MPND: variants seen among roughly 807,000 people sequenced by gnomAD.
MPND encodes the protein MPN domain-containing protein.
A neutral mutation model predicts 59.2 loss-of-function variants in MPND; 56 were observed. The observed-to-expected ratio is 0.95, with a 90% CI of 0.76 to 1.18. The LOEUF is 1.18. Ranked by LOEUF, MPND falls within the 50% of genes most tolerant of loss-of-function variation. MPND has a pLI of 0.00. For missense variants in MPND, 671 were observed against 676.0 expected (o/e 0.99, Z 0.08); for synonymous variants, 323 against 291.9 (o/e 1.11, Z -1.09).
intron 11 of MPND, chr19:4,358,431 C>T (rs1972494366): frequency 6.0e-6 from 3 of 496,484 alleles, no homozygotes; most frequent in Non-Finnish European, 1.1e-5. Flanking sequence ...GTAGAGAAAC[C>T]CCAGGGACTT....
At chr19:4,356,635 TC>T (rs1972443891) in intron 8 of MPND, 2 of 131,892 alleles carry the variant, frequency 1.5e-5, no homozygotes, top group African/African-American at 5.7e-5. Flanking sequence ...CAGTTGCTAT[TC>T]TTTTTTTTTT....
intron 3 of MPND, among the ~76,000 whole-genome samples, chr19:4,350,482 G>T (rs567842721): frequency 6.6e-6 from 1 of 152,304 alleles, no homozygotes; most frequent in South Asian, 2.1e-4. Context: ...AGGGACCAGG[G>T]CAGAGGTGAG....
chr19:4,350,281 G>A (rs1972286973), intron 3 of MPND, among the ~76,000 whole-genome samples: 1 of 152,134 alleles, frequency 6.6e-6, no homozygotes, highest in South Asian at 2.1e-4. Context: ...AGGTGGGGAG[G>A]ATGGGAAGGG....
At chr19:4,346,014 C>T in intron 3 of MPND, 33 bp downstream of exon 3, 2 of 1,576,456 alleles carry the variant, frequency 1.3e-6, no homozygotes, top group Non-Finnish European at 1.7e-6. Flanking sequence ...GGAAGCCGCC[C>T]AGGTCACTGT....
chr19:4,354,517 G>A lies in MPND; in HGVS notation c.846+97G>A, dbSNP rs75511514. 6.1e-3 allele frequency: 5,988 copies of A among 986,286 alleles called. 246 individuals carry two copies. In the African/African-American group the frequency reaches 0.086, roughly 14 times the overall value. The allele number at this position is 986,286 out of a possible 1,614,324, so 61.1% of individuals were successfully genotyped here. On this transcript the variant is annotated intron_variant, in intron 6 of 12. Coordinates refer to ENST00000599840, the MANE Select transcript of MPND (RefSeq NM_001300862.2). ...TGCGTATCAGCTCCATGAGAGCTGG[G>A]GCCTTGTCTGCTTTGTTTGCTACTG...
intron 3 of MPND, chr19:4,348,149 C>G (rs746039807): frequency 1.3e-5 from 2 of 152,216 alleles, no homozygotes; most frequent in Non-Finnish European, 2.9e-5. Flanking sequence ...GCCTCCGCCT[C>G]CCAAAATGCT....
chr19:4,355,638 T>C (rs1972422326), intron 8 of MPND, among the ~76,000 whole-genome samples: 1 of 149,538 alleles, frequency 6.7e-6, no homozygotes, highest in Non-Finnish European at 1.5e-5. Flanking sequence ...CCCAGCTAAT[T>C]TTTTGTATTT....
At position 4,354,963 on chromosome 19, in the gene MPND, C is replaced by T. The variant is rs1348848342; in HGVS notation, c.861C>T (p.His287=). ...NVLFLLDFHS[H]LTRSEVVGYL... The stretch of plus-strand genomic sequence containing the variant: ...CCCTTCCCCAGGACTTCCACAGTCA[C>T]CTGACACGGAGTGAGGTCGTGGGTT... The change falls in exon 7 of 13, where the codon CAC becomes CAT. Residue 287 remains histidine (H), a synonymous_variant. Coordinates refer to ENST00000599840, the MANE Select transcript of MPND (RefSeq NM_001300862.2). The T allele has an allele frequency of 6.3e-7, 1 of 1,599,582 alleles. No individual in the cohort carries two copies. Among genetic ancestry groups the T allele is most frequent in the African/African-American group, 1.3e-5 (1 of 74,662 alleles).
chr19:4,358,620 A>T (rs184445352), intron 11 of MPND, among the ~76,000 whole-genome samples: 456 of 152,248 alleles, frequency 3.0e-3, no homozygotes, highest in African/African-American at 9.7e-3. Flanking sequence ...AAACCCTGTC[A>T]CTACCAAGAT....
At chr19:4,346,665 C>T (rs1369964580) in intron 3 of MPND, among the ~76,000 whole-genome samples, 2 of 152,170 alleles carry the variant, frequency 1.3e-5, no homozygotes, top group African/African-American at 4.8e-5. Context: ...AATCCTCCCA[C>T]CTGGACTTCC....
intron 12 of MPND, 100 bp from the exon 13 acceptor site, chr19:4,359,816 G>A (rs565553793): frequency 2.2e-6 from 2 of 927,468 alleles, no homozygotes; most frequent in Non-Finnish European, 1.6e-6. Flanking sequence ...TCGGTCTCAG[G>A]GGGGCTCAGT....
At chr19:4,350,587 C>T (rs372822657) in intron 3 of MPND, among the ~76,000 whole-genome samples, 10 of 152,202 alleles carry the variant, frequency 6.6e-5, no homozygotes, top group East Asian at 1.9e-4. Context: ...GAAGTGTATC[C>T]GCCAGATTTG....
At chr19:4,345,407 C>A (rs1170374107) in intron 2 of MPND, among the ~76,000 whole-genome samples, 1 of 152,174 alleles carries the variant, frequency 6.6e-6, no homozygotes, top group East Asian at 1.9e-4. Context: ...GCACATTATT[C>A]CCCTTCTGAA....
chr19:4,351,631 G>A lies in MPND; in HGVS notation c.532-1266G>A, dbSNP rs117904397. 4.2e-3 allele frequency among the ~76,000 whole-genome samples: 633 copies of A among 152,036 alleles called. 3 individuals are homozygous for A. Among genetic ancestry groups the A allele is most frequent in the South Asian group, 0.012 (60 of 4,806 alleles). ...TAATCCCAGCACTTTGGGTGGCCGA[G>A]ATGGGCAAATCACAAGGTCAGACGA... On this transcript the variant is annotated intron_variant, in intron 3 of 12. Coordinates refer to ENST00000599840, the MANE Select transcript of MPND (RefSeq NM_001300862.2).
chr19:4,343,850 C>CGGAGGA lies in MPND; in HGVS notation c.153_158dup (p.Gly56_Gly57dup). 1 of 1,192,828 alleles carries CGGAGGA rather than the reference C, an allele frequency of 8.4e-7. No individual in the cohort carries two copies. The highest frequency in any genetic ancestry group is 1.0e-6 in the Non-Finnish European group (1 of 965,808). The allele number at this position is 1,192,828 out of a possible 1,614,324, so 73.9% of individuals were successfully genotyped here. ...GTGGCGGCGGCGGCAGTAGCGTCAG[C>CGGAGGA]GGAGGAGGCGGCGGCGGCGGGGCCG... On this transcript the variant is annotated inframe_insertion, in exon 2 of 13. Coordinates refer to ENST00000599840, the MANE Select transcript of MPND (RefSeq NM_001300862.2).
At chr19:4,354,905 G>A (rs1221012943) in intron 6 of MPND, 44 bp from the exon 7 acceptor site, 4 of 1,535,140 alleles carry the variant, frequency 2.6e-6, no homozygotes, top group African/African-American at 1.4e-5. Flanking sequence ...GTTGGGGCAG[G>A]GCCACAGCCT....
chr19:4,357,221 CT>C lies in MPND; in HGVS notation c.997-31del, dbSNP rs778993860. 2.6e-5 allele frequency: 40 copies of C among 1,556,226 alleles called. 1 individual carries two copies. In the South Asian group the frequency reaches 4.6e-4, roughly 18 times the overall value. Reference sequence around the variant, plus strand: ...AAGCTCACTAGAGCCGTTCAGGCCCCTGTGCCCGCTGAGCTGCGCCTCTGTC... The same window carrying C: ...AAGCTCACTAGAGCCGTTCAGGCCCCGTGCCCGCTGAGCTGCGCCTCTGTC... On this transcript the variant is annotated intron_variant, in intron 8 of 12. Coordinates refer to ENST00000599840, the MANE Select transcript of MPND (RefSeq NM_001300862.2).
chr19:4,351,945 G>A (rs1299532437), intron 3 of MPND, among the ~76,000 whole-genome samples: 4 of 151,676 alleles, frequency 2.6e-5, no homozygotes, highest in African/African-American at 9.7e-5. Context: ...GGCTGAGGCA[G>A]GTGGGTCACT....
In MPND at chr19:4,346,473, A is replaced by G. The variant is rs371699800; in HGVS notation, c.531+492A>G. Among the ~76,000 whole-genome samples the G allele has an allele frequency of 2.5e-3, 385 of 152,000 alleles. 1 individual carries two copies. The highest frequency in any genetic ancestry group is 8.7e-3 in the African/African-American group (360 of 41,472). On this transcript the variant is annotated intron_variant, in intron 3 of 12. Coordinates refer to ENST00000599840, the MANE Select transcript of MPND (RefSeq NM_001300862.2). Reference sequence around the variant, plus strand: ...CACTCTGTGGCCCAGGCTGGAGTGCAGTGCCCCCATCTTGGCTCACTACAG... The same window carrying G: ...CACTCTGTGGCCCAGGCTGGAGTGCGGTGCCCCCATCTTGGCTCACTACAG...
Sources: gnomAD v4.1 joint callset for allele counts (sites outside exome capture counted in the v4.1 genomes callset) on GRCh38, gnomAD v4.1.1 for gene constraint, MANE v1.5 for transcripts, NCBI Gene and HGNC (gene_info 2026-07-23, HGNC 2026-07-21) for gene names.